The following ACTN1 variants were observed in gnomAD, a reference collection of about 807,000 sequenced individuals.
The protein encoded by ACTN1 is alpha-actinin-1.
In ACTN1, 30 loss-of-function variants were observed where a neutral mutation model predicts 119.6. The observed-to-expected ratio is 0.25, with a 90% CI of 0.19 to 0.34. ACTN1 has a LOEUF of 0.34. Ranked by LOEUF, ACTN1 falls within the 10% of genes least tolerant of loss-of-function variation. ACTN1 has a pLI of 1.00. For synonymous variants in ACTN1, 429 were observed against 472.6 expected, an observed-to-expected ratio of 0.91 and a Z score of 1.20; for missense variants, 764 against 1,223.4, an observed-to-expected ratio of 0.62 and a Z score of 5.60.
At chr14:68,893,168 A>G (rs2032626440) in intron 9 of ACTN1, among the ~76,000 whole-genome samples, 1 of 152,132 alleles carries the variant, frequency 6.6e-6, no homozygotes. Flanking sequence ...AATGTAGCCA[A>G]TGGCAGAACA....
chr14:68,910,584 A>G (rs2033947464), intron 4 of ACTN1, among the ~76,000 whole-genome samples: 2 of 152,240 alleles, frequency 1.3e-5, no homozygotes, highest in South Asian at 4.1e-4. Context: ...CCACGTGTCT[A>G]TGAGGTTAGG....
At position 68,956,945 on chromosome 14, in the gene ACTN1, A is replaced by G. The variant is rs567250570; in HGVS notation, c.105+22007T>C. 1.6e-4 allele frequency among the ~76,000 whole-genome samples: 25 copies of G among 152,018 alleles called. No individual in the cohort carries two copies. The South Asian group carries it at 5.2e-3, about 32-fold the overall frequency. On this transcript the variant is annotated intron_variant, in intron 1 of 21. Coordinates refer to ENST00000394419, the MANE Select transcript of ACTN1 (RefSeq NM_001130004.2). Reference sequence around the variant, plus strand: ...AATCCCAGCCCATCCACATGGCCACAAGCTGGAGGCATCACGAGATCCCAA... The same window carrying G: ...AATCCCAGCCCATCCACATGGCCACGAGCTGGAGGCATCACGAGATCCCAA...
intron 1 of ACTN1, among the ~76,000 whole-genome samples, chr14:68,975,263 C>A (rs572107382): frequency 7.4e-4 from 112 of 152,316 alleles, no homozygotes; most frequent in Admixed American, 1.8e-3. Context: ...ATTCGCTCAA[C>A]AAGTATTGAT....
chr14:68,978,978 G>T lies in ACTN1; in HGVS notation c.79C>A (p.Pro27Thr). The T allele has an allele frequency of 6.2e-7, 1 of 1,600,360 alleles. No homozygotes were observed. Among genetic ancestry groups the T allele is most frequent in the Admixed American group, 1.7e-5 (1 of 58,358 alleles). Residue 27 changes from proline to threonine, a missense_variant, in exon 1 of 22, where the codon CCG becomes ACG. Physicochemically the swap from Pro to Thr is conservative, Grantham distance 38. Transcript: ENST00000394419. ...EDWDRDLLLD[P>T]AWEKQQRKTF... ...TTTCTCTGCTGCTTCTCCCAGGCCGGGTCCAGGAGCAGGTCCCGGTCCCAG... is the reference window on the plus strand; with the variant it reads ...TTTCTCTGCTGCTTCTCCCAGGCCGTGTCCAGGAGCAGGTCCCGGTCCCAG...
At position 68,878,714 on chromosome 14, in the gene ACTN1, G is replaced by A; in HGVS notation, c.2362-191C>T. ...CATCGGTGGAAATGTCCAAAGACAGGAGGAAGACAGAGCAGGGAGATGCAA... is the reference window on the plus strand; with the variant it reads ...CATCGGTGGAAATGTCCAAAGACAGAAGGAAGACAGAGCAGGGAGATGCAA... On this transcript the variant is annotated intron_variant, in intron 19 of 21. Coordinates refer to ENST00000394419, the MANE Select transcript of ACTN1 (RefSeq NM_001130004.2). The surrounding 1 kb of genome is among the most constrained non-coding windows in gnomAD (Gnocchi z 4.4). The A allele has an allele frequency of 1.3e-6, 2 of 1,536,844 alleles. No individual in the cohort carries two copies. The highest frequency in any genetic ancestry group is 1.7e-6 in the Non-Finnish European group (2 of 1,147,062).
intron 1 of ACTN1, chr14:68,973,786 C>T (rs1487730849): frequency 2.6e-5 from 4 of 152,318 alleles, no homozygotes; most frequent in African/African-American, 9.6e-5. Flanking sequence ...GAGATGGAGC[C>T]AGAACCCCGG....
At chr14:68,934,800 T>C (rs2035409056) in intron 1 of ACTN1, among the ~76,000 whole-genome samples, 2 of 152,156 alleles carry the variant, frequency 1.3e-5, no homozygotes, top group South Asian at 4.1e-4. Context: ...GAAACTATGT[T>C]ACTATGAAAA....
intron 1 of ACTN1, among the ~76,000 whole-genome samples, chr14:68,930,750 C>T (rs964466768): frequency 3.3e-5 from 5 of 152,182 alleles, no homozygotes; most frequent in African/African-American, 1.2e-4. Context: ...AGTAATAGCA[C>T]CTACCCAGAG....
intron 1 of ACTN1, among the ~76,000 whole-genome samples, chr14:68,959,214 C>T (rs970347412): frequency 1.3e-5 from 2 of 152,204 alleles, no homozygotes; most frequent in Non-Finnish European, 2.9e-5. Flanking sequence ...AGGACTTGTG[C>T]CTCTCTGAGG....
At chr14:68,972,198 A>T (rs1229296991) in intron 1 of ACTN1, among the ~76,000 whole-genome samples, 1 of 152,138 alleles carries the variant, frequency 6.6e-6, no homozygotes, top group Non-Finnish European at 1.5e-5. Flanking sequence ...GCCTGTGCAT[A>T]TCTATGATCT....
chr14:68,971,891 C>T (rs905605947), intron 1 of ACTN1, among the ~76,000 whole-genome samples: 1 of 152,194 alleles, frequency 6.6e-6, no homozygotes, highest in South Asian at 2.1e-4. Context: ...ATTCTCCTCC[C>T]GCTTCTGTAG....
At chr14:68,889,999 G>T in intron 11 of ACTN1, 140 bp downstream of exon 11, 1 of 1,286,472 alleles carries the variant, frequency 7.8e-7, no homozygotes, top group African/African-American at 1.5e-5. Context: ...GAAGGCTAAT[G>T]AACTTGCCTA....
chr14:68,930,418 G>A (rs930481896), intron 1 of ACTN1, among the ~76,000 whole-genome samples: 2 of 152,212 alleles, frequency 1.3e-5, no homozygotes, highest in African/African-American at 4.8e-5. Flanking sequence ...CTAAAAGGAT[G>A]TCTGAATAAT....
chr14:68,874,870 T>C lies in ACTN1; in HGVS notation c.2734A>G (p.Ser912Gly). 6.3e-7 allele frequency: 1 copy of C among 1,584,998 alleles called. No individual in the cohort carries two copies. The highest frequency in any genetic ancestry group is 1.1e-5 in the South Asian group (1 of 89,152). ...CCGGGCGGGGTGGATTAGAGGTCAC[T>C]CTCGCCGTACAGCGCCGTGGAGAAG... is the stretch of plus-strand genomic sequence containing the variant. ...MSFSTALYGE[S>G]DL The change falls in exon 22 of 22, where the codon AGT becomes GGT. Residue 912 changes from serine (S) to glycine (G), a missense_variant. This residue lies in a region of ACTN1 where 102 missense variants were observed against 78.2 expected (regional missense o/e 1.30). Coordinates refer to ENST00000394419, the MANE Select transcript of ACTN1 (RefSeq NM_001130004.2).
intron 4 of ACTN1, among the ~76,000 whole-genome samples, chr14:68,911,835 C>T (rs1409015167): frequency 6.6e-6 from 1 of 152,186 alleles, no homozygotes; most frequent in African/African-American, 2.4e-5. Flanking sequence ...GGTCCTTCCT[C>T]CCAGCCGCTA....
intron 1 of ACTN1, among the ~76,000 whole-genome samples, chr14:68,967,291 T>C (rs370662880): frequency 2.0e-4 from 30 of 152,242 alleles, no homozygotes; most frequent in African/African-American, 6.0e-4. Context: ...CTGTCAGTTG[T>C]CTCCTGCAGG....
chr14:68,964,828 C>CTCTCTCCTGCAGGCTCATCTCTCCAT (rs1378655473), intron 1 of ACTN1, among the ~76,000 whole-genome samples: 5 of 152,198 alleles, frequency 3.3e-5, no homozygotes, highest in Non-Finnish European at 5.9e-5. Context: ...ACCAGGCTGC[C>CTCTCTCCTGCAGGCTCATCTCTCCAT]TCTCTCCTGC....
chr14:68,908,208 G>A (rs1354738403), intron 6 of ACTN1, among the ~76,000 whole-genome samples: 9 of 151,980 alleles, frequency 5.9e-5, no homozygotes, highest in Non-Finnish European at 8.8e-5. Context: ...GGCGGGGCAC[G>A]GTGCAGGGAA....
chr14:68,927,232 A>C (rs1247815648), intron 1 of ACTN1, among the ~76,000 whole-genome samples: 1 of 152,130 alleles, frequency 6.6e-6, no homozygotes, highest in African/African-American at 2.4e-5. Flanking sequence ...GACTGGGTAG[A>C]GATATCACCT....
Sources: gnomAD v4.1 joint callset for allele counts (sites outside exome capture counted in the v4.1 genomes callset) on GRCh38, gnomAD v4.1.1 for gene constraint, gnomAD v4.1.1 regional missense constraint, Gnocchi (gnomAD v3.1) non-coding constraint, MANE v1.5 for transcripts, NCBI Gene and HGNC (gene_info 2026-07-23, HGNC 2026-07-21) for gene names.